The following RAB38 variants were observed in gnomAD, a reference collection of about 807,000 sequenced individuals.
RAB38 encodes RAB38, member RAS oncogene family, also known as ras-related protein Rab-38.
Under a neutral mutation model 18.4 loss-of-function variants are expected in RAB38, and 15 were observed. The ratio of observed to expected loss-of-function variants is 0.82; its 90% CI spans 0.55 to 1.26. The LOEUF (loss-of-function observed/expected upper bound fraction) is 1.26, where lower values mean the gene tolerates loss of function less well. Among genes scored for constraint, RAB38 ranks in the 50% most tolerant of loss-of-function variants. The pLI, the probability that RAB38 is intolerant of heterozygous loss-of-function variation, is 0.00. For synonymous variants in RAB38, 101 were observed against 104.4 expected, an observed-to-expected ratio of 0.97 and a Z score of 0.20; for missense variants, 294 against 267.4, an observed-to-expected ratio of 1.10 and a Z score of -0.69.
the RAB38 span, among the ~76,000 whole-genome samples, chr11:87,967,331 T>C: frequency 6.6e-6 from 1 of 152,180 alleles, no homozygotes; most frequent in Admixed American, 6.6e-5. Flanking sequence ...TGGAAAATAA[T>C]TGCCTTGAAA....
chr11:88,073,989 GA>G, the RAB38 span, among the ~76,000 whole-genome samples: 7,993 of 139,100 alleles, frequency 0.057, 338 homozygotes, highest in African/African-American at 0.082. Context: ...AGTCAAAGGA[GA>G]AAAAAAAACA....
the RAB38 span, among the ~76,000 whole-genome samples, chr11:87,834,793 A>G: frequency 6.6e-6 from 1 of 152,224 alleles, no homozygotes; most frequent in South Asian, 2.1e-4. Flanking sequence ...TATAAACTTG[A>G]CAGTAGAACT....
intron 1 of RAB38, chr11:88,167,261 G>A (rs1351896048): frequency 2.6e-5 from 4 of 152,072 alleles, no homozygotes; most frequent in African/African-American, 9.7e-5. Flanking sequence ...GGGAAGGTAG[G>A]TATACTGGGG....
intron 2 of RAB38, among the ~76,000 whole-genome samples, chr11:88,121,417 A>G (rs761820966): frequency 6.6e-6 from 1 of 152,230 alleles, no homozygotes; most frequent in Non-Finnish European, 1.5e-5. Flanking sequence ...GAGAAATTAA[A>G]TAACTTTCCC....
chr11:87,896,200 A>C, the RAB38 span, among the ~76,000 whole-genome samples: 1 of 151,630 alleles, frequency 6.6e-6, no homozygotes, highest in African/African-American at 2.4e-5. Context: ...CAGCTGTCTG[A>C]CCATAGCCAA....
intron 2 of RAB38, among the ~76,000 whole-genome samples, chr11:88,117,179 T>C (rs1478392663): frequency 6.6e-6 from 1 of 152,198 alleles, no homozygotes; most frequent in Non-Finnish European, 1.5e-5. Flanking sequence ...CAGTTCATGG[T>C]GACTGAGTCA....
intron 1 of RAB38, among the ~76,000 whole-genome samples, chr11:88,150,179 T>G (rs1324220069): frequency 1.3e-5 from 2 of 152,226 alleles, no homozygotes; most frequent in African/African-American, 2.4e-5. Flanking sequence ...GAGAAATTTC[T>G]GTGTACCATG....
At chr11:87,848,540 G>A in the RAB38 span, among the ~76,000 whole-genome samples, 2 of 152,012 alleles carry the variant, frequency 1.3e-5, no homozygotes, top group African/African-American at 2.4e-5. Context: ...GCTCTCATTG[G>A]AAGTAACAAA....
chr11:87,951,200 C>T, the RAB38 span, among the ~76,000 whole-genome samples: 398 of 152,260 alleles, frequency 2.6e-3, 2 homozygotes, highest in African/African-American at 8.9e-3. Flanking sequence ...CTTCTGCATT[C>T]GTCACATAGC....
At chr11:87,932,240 A>G in the RAB38 span, among the ~76,000 whole-genome samples, 1 of 152,076 alleles carries the variant, frequency 6.6e-6, no homozygotes, top group Admixed American at 6.6e-5. Flanking sequence ...ATGTATACCT[A>G]TGTAACAAAC....
the RAB38 span, among the ~76,000 whole-genome samples, chr11:87,830,073 CTAATA>C: frequency 2.6e-5 from 4 of 152,108 alleles, no homozygotes; most frequent in African/African-American, 9.7e-5. Context: ...GATTAGCCAT[CTAATA>C]TATTATTATT....
At chr11:87,808,828 T>C in the RAB38 span, among the ~76,000 whole-genome samples, 1 of 152,070 alleles carries the variant, frequency 6.6e-6, no homozygotes, top group African/African-American at 2.4e-5. Flanking sequence ...AATACAAAAA[T>C]ACATATATCA....
the RAB38 span, among the ~76,000 whole-genome samples, chr11:88,032,193 C>G: frequency 6.6e-6 from 1 of 152,048 alleles, no homozygotes; most frequent in Admixed American, 6.5e-5. Flanking sequence ...AAAGCTGAAA[C>G]TGGATCCCTT....
chr11:87,961,754 C>G, the RAB38 span, among the ~76,000 whole-genome samples: 5 of 152,246 alleles, frequency 3.3e-5, no homozygotes, highest in South Asian at 1.0e-3. Context: ...GTTGGGTAGC[C>G]ACAGACCAAA....
intron 2 of RAB38, among the ~76,000 whole-genome samples, chr11:88,129,814 T>C (rs1942745510): frequency 6.6e-6 from 1 of 152,190 alleles, no homozygotes; most frequent in Admixed American, 6.5e-5. Flanking sequence ...ATGTTAACAG[T>C]TAAATGAATT....
At chr11:87,808,211 T>C in the RAB38 span, among the ~76,000 whole-genome samples, 1 of 152,194 alleles carries the variant, frequency 6.6e-6, no homozygotes, top group East Asian at 1.9e-4. Context: ...ATTGGGTATA[T>C]ATCCAAAGGA....
At chr11:87,833,096 A>G in the RAB38 span, among the ~76,000 whole-genome samples, 4 of 151,966 alleles carry the variant, frequency 2.6e-5, no homozygotes, top group Non-Finnish European at 5.9e-5. Flanking sequence ...CTCCTTTCTA[A>G]TCCCTTCTCA....
chr11:88,027,465 T>C, the RAB38 span, among the ~76,000 whole-genome samples: 1 of 152,152 alleles, frequency 6.6e-6, no homozygotes, highest in African/African-American at 2.4e-5. Context: ...TTCCCTTTCC[T>C]AGTCAAAGAA....
chr11:88,088,106 T>C, the RAB38 span, among the ~76,000 whole-genome samples: 1 of 151,956 alleles, frequency 6.6e-6, no homozygotes, highest in African/African-American at 2.4e-5. Flanking sequence ...TCATTTTCCA[T>C]GTCAGCAGAC....
Sources: gnomAD v4.1 joint callset for allele counts (sites outside exome capture counted in the v4.1 genomes callset) on GRCh38, gnomAD v4.1.1 for gene constraint, MANE v1.5 for transcripts, NCBI Gene and HGNC (gene_info 2026-07-23, HGNC 2026-07-21) for gene names.